ANO6: variants seen among roughly 807,000 people sequenced by gnomAD.
ANO6 encodes the protein anoctamin-6.
ANO6 carries 106 observed loss-of-function variants against 117.5 expected under a neutral mutation model. The observed-to-expected ratio is 0.90, with a 90% confidence interval of 0.77 to 1.06. The LOEUF (loss-of-function observed/expected upper bound fraction) is 1.06, where lower values mean the gene tolerates loss of function less well. Among genes scored for constraint, ANO6 ranks in the 50% least tolerant of loss-of-function variants. ANO6 has a pLI of 0.00. For missense variants in ANO6, 955 were observed against 1,121.1 expected (o/e 0.85, Z 2.12); for synonymous variants, 367 against 385.1 (o/e 0.95, Z 0.55).
In ANO6 at chr12:45,216,107, C is replaced by T. The variant is rs1947304014; in HGVS notation, c.-215C>T. On this transcript the variant is annotated 5_prime_UTR_variant, in exon 1 of 20. Coordinates refer to ENST00000320560, the MANE Select transcript of ANO6 (RefSeq NM_001025356.3). ...ACTGGGCATGCTCAGTCTCCGGGCT[C>T]CGCTCGGCAGGCGAGAGGCGTCCTC... is the stretch of plus-strand genomic sequence containing the variant. 1 of 565,868 alleles carries T rather than the reference C, an allele frequency of 1.8e-6. No individual in the cohort carries two copies. The highest frequency in any genetic ancestry group is 3.1e-5 in the East Asian group (1 of 31,782). The allele number at this position is 565,868 out of a possible 1,614,324, so 35.1% of individuals were successfully genotyped here. A position where few individuals can be genotyped will look rare whatever the true frequency, so the allele number is the denominator to read the frequency against.
In ANO6 at chr12:45,371,210, A is replaced by G. The variant is rs573893922; in HGVS notation, c.1104+3417A>G. Among the ~76,000 whole-genome samples the G allele has an allele frequency of 1.5e-4, 23 of 152,324 alleles. No individual in the cohort carries two copies. The South Asian group carries it at 4.1e-3, about 27-fold the overall frequency. On this transcript the variant is annotated intron_variant, in intron 9 of 19. Transcript: ENST00000320560. Reference sequence around the variant, plus strand: ...TCCCGCACCTGGCTCGGAGGGTCCTACGCCCATGGAGTCTCACTGATTGCT... The same window carrying G: ...TCCCGCACCTGGCTCGGAGGGTCCTGCGCCCATGGAGTCTCACTGATTGCT...
intron 1 of ANO6, among the ~76,000 whole-genome samples, chr12:45,240,351 A>ATTATTTT (rs1947720404): frequency 3.3e-5 from 1 of 30,700 alleles, no homozygotes; most frequent in Non-Finnish European, 8.7e-5. Context: ...GCAACCCCTG[A>ATTATTTT]TTTTTTTTTT....
chr12:45,337,224 C>T (rs1940852358), intron 3 of ANO6, among the ~76,000 whole-genome samples: 2 of 152,034 alleles, frequency 1.3e-5, no homozygotes, highest in African/African-American at 4.8e-5. Context: ...ACTTCCATGC[C>T]TGCAAGCTCC....
chr12:45,403,610 T>TACATAGCC (rs60196535), intron 15 of ANO6, 74 bp downstream of exon 15: 2 of 1,236,188 alleles, frequency 1.6e-6, no homozygotes, highest in African/African-American at 1.5e-5. Flanking sequence ...ATCATTTGCC[T>TACATAGCC]ACATAGCCAC....
intron 1 of ANO6, among the ~76,000 whole-genome samples, chr12:45,242,613 G>C (rs1417402756): frequency 2.6e-5 from 4 of 152,220 alleles, no homozygotes; most frequent in Admixed American, 2.6e-4. Flanking sequence ...AGATGAACCA[G>C]GTACCTCAGT....
chr12:45,373,468 T>C (rs945833496), intron 9 of ANO6, among the ~76,000 whole-genome samples: 9 of 151,906 alleles, frequency 5.9e-5, no homozygotes, highest in African/African-American at 1.9e-4. Context: ...GAAATAAAGC[T>C]CTCCTCAGCG....
At chr12:45,345,103 A>C (rs965690468) in intron 3 of ANO6, among the ~76,000 whole-genome samples, 1 of 152,178 alleles carries the variant, frequency 6.6e-6, no homozygotes, top group Non-Finnish European at 1.5e-5. Context: ...TGTATGTTCA[A>C]ATTGCAGCCA....
In ANO6 at chr12:45,322,365, G is replaced by A. The variant is rs899734440; in HGVS notation, c.151-8930G>A. On this transcript the variant is annotated intron_variant, in intron 2 of 19. Transcript: ENST00000320560. ...GGGAGCAAAGGAGTAGAGAGAGGAA[G>A]GACCATGACATAGTCAAAAGACTAA... Among the ~76,000 whole-genome samples, 5 of 152,102 alleles carry A rather than the reference G, an allele frequency of 3.3e-5. No individual in the cohort carries two copies. The East Asian group carries it at 9.7e-4, about 29-fold the overall frequency.
chr12:45,288,997 A>G (rs1939008610), intron 1 of ANO6, among the ~76,000 whole-genome samples: 1 of 151,866 alleles, frequency 6.6e-6, no homozygotes, highest in Non-Finnish European at 1.5e-5. Flanking sequence ...ACTTTTTCAC[A>G]TAGAGATATA....
At chr12:45,224,695 C>T (rs886386463) in intron 1 of ANO6, among the ~76,000 whole-genome samples, 4 of 152,136 alleles carry the variant, frequency 2.6e-5, no homozygotes, top group African/African-American at 9.7e-5. Flanking sequence ...GTTACTCTTA[C>T]TTAATTTGTA....
intron 3 of ANO6, among the ~76,000 whole-genome samples, chr12:45,335,337 G>A (rs1320504146): frequency 6.6e-6 from 1 of 151,918 alleles, no homozygotes; most frequent in Non-Finnish European, 1.5e-5. Flanking sequence ...TCTAAAAACT[G>A]TTATCCATTG....
At chr12:45,311,248 G>T (rs972812272) in intron 2 of ANO6, among the ~76,000 whole-genome samples, 1 of 152,002 alleles carries the variant, frequency 6.6e-6, no homozygotes, top group African/African-American at 2.4e-5. Context: ...GTAAATTCCT[G>T]CCCCTAATTC....
In ANO6 at chr12:45,216,245, CT is replaced by C; in HGVS notation, c.-76del. On this transcript the variant is annotated 5_prime_UTR_variant, in exon 1 of 20. Coordinates refer to ENST00000320560, the MANE Select transcript of ANO6 (RefSeq NM_001025356.3). The stretch of plus-strand genomic sequence containing the variant: ...CGCCCCGCGGTCCCCGATCCGGCCC[CT>C]GGGAGAGCCGCGCCGTTCTGGAACC... The C allele has an allele frequency of 3.3e-6, 5 of 1,516,032 alleles. No individual in the cohort carries two copies. Among genetic ancestry groups the C allele is most frequent in the Non-Finnish European group, 4.5e-6 (5 of 1,114,312 alleles). 93.9% of individuals were successfully genotyped at this position (1,516,032 alleles called of 1,614,324 possible).
chr12:45,385,701 C>T (rs1010612020), intron 10 of ANO6, among the ~76,000 whole-genome samples: 4 of 152,174 alleles, frequency 2.6e-5, no homozygotes, highest in African/African-American at 9.7e-5. Context: ...CCAATACTCA[C>T]TTCATTTCCC....
At chr12:45,264,641 G>A (rs192479115) in intron 1 of ANO6, among the ~76,000 whole-genome samples, 2 of 152,216 alleles carry the variant, frequency 1.3e-5, no homozygotes, top group Admixed American at 1.3e-4. Flanking sequence ...CCAATGGTTA[G>A]TTGGTGAAAC....
Position 45,364,820 on chromosome 12 carries a change from G to A in ANO6, c.999-2868G>A, listed in dbSNP as rs372493106. Among the ~76,000 whole-genome samples, 8 of 152,200 alleles carry A rather than the reference G, an allele frequency of 5.3e-5. No homozygotes were observed. The East Asian group carries it at 1.3e-3, about 26-fold the overall frequency. ...GACTGCTTTTTCCTCTCTGTGTTAGGACCATAGTTTTCCATTTCTTGGTGT... is the reference window on the plus strand; with the variant it reads ...GACTGCTTTTTCCTCTCTGTGTTAGAACCATAGTTTTCCATTTCTTGGTGT... On this transcript the variant is annotated intron_variant, in intron 8 of 19. Transcript: ENST00000320560.
chr12:45,333,462 A>T (rs1171681831), intron 3 of ANO6, among the ~76,000 whole-genome samples: 1 of 152,082 alleles, frequency 6.6e-6, no homozygotes, highest in Non-Finnish European at 1.5e-5. Context: ...AAAGTATAAA[A>T]GAAACAGTTC....
intron 9 of ANO6, among the ~76,000 whole-genome samples, chr12:45,368,200 G>A (rs1941733758): frequency 1.3e-5 from 2 of 152,094 alleles, no homozygotes; most frequent in African/African-American, 4.8e-5. Flanking sequence ...TTAGACTTAC[G>A]GGTTGAGCGT....
chr12:45,396,672 A>G (rs976457114), intron 12 of ANO6, among the ~76,000 whole-genome samples: 3 of 152,224 alleles, frequency 2.0e-5, no homozygotes, highest in Admixed American at 1.3e-4. Context: ...GGCCTCAGAA[A>G]TAACACCACA....
Sources: allele counts gnomAD v4.1 joint callset (sites outside exome capture counted in the v4.1 genomes callset), GRCh38; gene constraint gnomAD v4.1.1; transcripts MANE v1.5; gene names NCBI Gene and HGNC (gene_info 2026-07-23, HGNC 2026-07-21).